The following UBQLN1 variants were observed in gnomAD, a reference collection of about 807,000 sequenced individuals.
The protein encoded by UBQLN1 is ubiquilin 1, also known as ubiquilin-1.
UBQLN1 carries 13 observed loss-of-function variants against 65.4 expected under a neutral mutation model. That is an observed-to-expected ratio of 0.20 (90% confidence interval 0.13 to 0.32). The LOEUF (loss-of-function observed/expected upper bound fraction) is 0.32. UBQLN1 is among the 10% of genes least tolerant of loss of function. UBQLN1 has a pLI of 1.00. For missense variants in UBQLN1, 561 were observed against 724.0 expected (o/e 0.77, Z 2.58); for synonymous variants, 267 against 247.8 (o/e 1.08, Z -0.73).
chr9:83,674,981 A>G (rs1423067608), intron 6 of UBQLN1, among the ~76,000 whole-genome samples: 1 of 152,232 alleles, frequency 6.6e-6, no homozygotes, highest in Admixed American at 6.5e-5. Flanking sequence ...TAAAAATGTA[A>G]GGTATTTAAA....
intron 4 of UBQLN1, 119 bp from the exon 5 acceptor site, chr9:83,678,718 GT>G: frequency 1.7e-6 from 2 of 1,159,010 alleles, no homozygotes; most frequent in Non-Finnish European, 2.4e-6. Flanking sequence ...GTTTTGTTTT[GT>G]TTTTTTAATT....
Position 83,682,971 on chromosome 9 carries a change from G to A in UBQLN1, c.428C>T (p.Thr143Ile). The change falls in exon 3 of 11, where the codon ACT becomes ATT. Residue 143 changes from threonine (T) to isoleucine (I), a missense_variant. Coordinates refer to ENST00000376395, the MANE Select transcript of UBQLN1 (RefSeq NM_013438.5). ...PNSNSTSGSATSNPFGLGGLG... is the reference protein window; with the variant it reads ...PNSNSTSGSAISNPFGLGGLG... ...CTTACCTAAACCAAAAGGGTTGCTA[G>A]TAGCAGAACCAGATGTAGAGTTACT... The A allele has an allele frequency of 1.9e-6, 3 of 1,610,492 alleles. No homozygotes were observed. The highest frequency in any genetic ancestry group is 2.5e-6 in the Non-Finnish European group (3 of 1,177,794).
chr9:83,669,362 A>G, intron 6 of UBQLN1, 35 bp from the exon 7 acceptor site: 1 of 1,550,162 alleles, frequency 6.5e-7, no homozygotes, highest in Non-Finnish European at 8.7e-7. Flanking sequence ...CATATTAAGG[A>G]AAAATACTTA....
At chr9:83,705,407 G>A (rs1832384574) in intron 1 of UBQLN1, among the ~76,000 whole-genome samples, 1 of 152,072 alleles carries the variant, frequency 6.6e-6, no homozygotes. Flanking sequence ...CTGCCACCAC[G>A]CCCAGCTAAG....
intron 1 of UBQLN1, among the ~76,000 whole-genome samples, chr9:83,688,155 T>C (rs1054693955): frequency 6.6e-6 from 1 of 152,180 alleles, no homozygotes. Context: ...CGAGAATGTA[T>C]ATAAATGCAA....
chr9:83,662,249 T>C (rs1831570548), intron 10 of UBQLN1, among the ~76,000 whole-genome samples: 1 of 142,474 alleles, frequency 7.0e-6, no homozygotes, highest in South Asian at 2.3e-4. Flanking sequence ...AACCTGTATG[T>C]GTGTGTGTAT....
chr9:83,676,253 G>C (rs2780995), intron 6 of UBQLN1, among the ~76,000 whole-genome samples: 1 of 152,088 alleles, frequency 6.6e-6, no homozygotes, highest in Non-Finnish European at 1.5e-5. Flanking sequence ...ATTCTTGCTA[G>C]TTCTTGTTTT....
intron 1 of UBQLN1, among the ~76,000 whole-genome samples, chr9:83,692,412 T>C (rs1327711356): frequency 1.3e-5 from 2 of 152,214 alleles, no homozygotes; most frequent in Non-Finnish European, 2.9e-5. Context: ...TCTACACTTT[T>C]ATCATACAAC....
At chr9:83,685,391 C>A (rs1210426658) in intron 2 of UBQLN1, among the ~76,000 whole-genome samples, 1 of 152,166 alleles carries the variant, frequency 6.6e-6, no homozygotes, top group Non-Finnish European at 1.5e-5. Flanking sequence ...AAATTCCATA[C>A]CCATGTAAGT....
At chr9:83,673,103 A>G (rs1200802785) in intron 6 of UBQLN1, among the ~76,000 whole-genome samples, 1 of 151,774 alleles carries the variant, frequency 6.6e-6, no homozygotes, top group Non-Finnish European at 1.5e-5. Flanking sequence ...GGTGGTACAC[A>G]CCTGTAATCC....
rs1382743750 is a variant in UBQLN1, at chr9:83,665,124, A to G, written c.1354T>C (p.Ser452Pro). The G allele has an allele frequency of 6.2e-7, 1 of 1,613,202 alleles. No individual in the cohort carries two copies. The highest frequency in any genetic ancestry group is 1.7e-5 in the Admixed American group (1 of 59,812). Residue 452 changes from serine to proline, a missense_variant, in exon 9 of 11, where the codon TCA becomes CCA. Coordinates refer to ENST00000376395, the MANE Select transcript of UBQLN1 (RefSeq NM_013438.5). Reference protein sequence around the residue: ...LQQMQNPDTLSAMSNPRAMQA... With the variant: ...LQQMQNPDTLPAMSNPRAMQA... ...ATTGCTCTAGGGTTTGACATTGCTG[A>G]TAGTGTATCAGGATTCTGCATCTAA... is the stretch of plus-strand genomic sequence containing the variant.
chr9:83,692,178 T>C (rs984723444), intron 1 of UBQLN1, among the ~76,000 whole-genome samples: 1 of 152,246 alleles, frequency 6.6e-6, no homozygotes, highest in Admixed American at 6.5e-5. Context: ...GGTACACTTT[T>C]CCGAATAAAC....
rs1831602958 is a variant in UBQLN1, at chr9:83,663,955, G to A, written c.1537C>T (p.Pro513Ser). Residue 513 changes from proline to serine, a missense_variant, in exon 10 of 11, where the codon CCC becomes TCC. Coordinates refer to ENST00000376395, the MANE Select transcript of UBQLN1 (RefSeq NM_013438.5). Reference protein sequence around the residue: ...SNATPSENTSPTAGTTEPGHQ... With the variant: ...SNATPSENTSSTAGTTEPGHQ... Reference sequence around the variant, plus strand: ...CCAGGTTCAGTGGTTCCTGCTGTGGGACTTGTGTTTTCACTAGGTGTGGCG... The same window carrying A: ...CCAGGTTCAGTGGTTCCTGCTGTGGAACTTGTGTTTTCACTAGGTGTGGCG... 1 of 1,614,160 alleles carries A rather than the reference G, an allele frequency of 6.2e-7. No individual in the cohort carries two copies. Among genetic ancestry groups the A allele is most frequent in the African/African-American group, 1.3e-5 (1 of 75,048 alleles).
At chr9:83,696,244 T>C (rs1318336430) in intron 1 of UBQLN1, among the ~76,000 whole-genome samples, 1 of 152,226 alleles carries the variant, frequency 6.6e-6, no homozygotes, top group Non-Finnish European at 1.5e-5. Flanking sequence ...ATGTAAACAA[T>C]GTGGAGTGAC....
chr9:83,678,491 G>T lies in UBQLN1; in HGVS notation c.820C>A (p.Arg274Ser). 2 of 1,613,852 alleles carry T rather than the reference G, an allele frequency of 1.2e-6. No individual in the cohort carries two copies. The highest frequency in any genetic ancestry group is 1.7e-6 in the Non-Finnish European group (2 of 1,179,920). ...SIPGGYNALR[R>S]MYTDIQEPML... ...GGTTCCTGAATATCTGTGTACATGC[G>T]CCTTAAAGCATTATATCCCCCTGGG... Residue 274 changes from arginine (R) to serine (S), a missense_variant, in exon 5 of 11, where the codon CGC becomes AGC. Coordinates refer to ENST00000376395, the MANE Select transcript of UBQLN1 (RefSeq NM_013438.5).
At chr9:83,679,076 A>AACCAAAAT (rs1277450963) in intron 4 of UBQLN1, among the ~76,000 whole-genome samples, 7 of 152,110 alleles carry the variant, frequency 4.6e-5, no homozygotes, top group African/African-American at 1.7e-4. Flanking sequence ...GACCACAACA[A>AACCAAAAT]ACCAAAATAG....
chr9:83,661,736 A>T lies in UBQLN1; in HGVS notation c.*51T>A. 2 of 1,549,858 alleles carry T rather than the reference A, an allele frequency of 1.3e-6. No individual in the cohort carries two copies. The highest frequency in any genetic ancestry group is 4.5e-5 in the East Asian group (2 of 44,314). ...AAATAAAGCAGGTATTTTAAAGTTTAAGAGCCGTTATCAAAAATAAATTAC... is the reference window on the plus strand; with the variant it reads ...AAATAAAGCAGGTATTTTAAAGTTTTAGAGCCGTTATCAAAAATAAATTAC... On this transcript the variant is annotated 3_prime_UTR_variant, in exon 11 of 11. Transcript: ENST00000376395.
rs200324286 is a variant in UBQLN1 at position 83,665,199 on chromosome 9, A to T, written c.1333-54T>A. ...AAAGGAATTAAAATCAGTGAACGTA[A>T]ATTTTTAAATCTTTTCTCTGTTATG... On this transcript the variant is annotated intron_variant, in intron 8 of 10. Coordinates refer to ENST00000376395, the MANE Select transcript of UBQLN1 (RefSeq NM_013438.5). The T allele has an allele frequency of 8.9e-4, 1,201 of 1,351,304 alleles. 5 individuals are homozygous for T. Among genetic ancestry groups the T allele is most frequent in the South Asian group, 2.3e-3 (187 of 80,042 alleles). The allele number at this position is 1,351,304 out of a possible 1,614,324, so 83.7% of individuals were successfully genotyped here.
intron 1 of UBQLN1, among the ~76,000 whole-genome samples, chr9:83,692,776 C>T (rs1030338714): frequency 1.3e-5 from 2 of 152,086 alleles, no homozygotes; most frequent in Admixed American, 6.5e-5. Flanking sequence ...CGCTTGAACC[C>T]GGGAGGTGGA....
Sources: allele counts gnomAD v4.1 joint callset (sites outside exome capture counted in the v4.1 genomes callset), GRCh38; gene constraint gnomAD v4.1.1; transcripts MANE v1.5; gene names NCBI Gene and HGNC (gene_info 2026-07-23, HGNC 2026-07-21).